The following CA13 variants were observed in gnomAD, a reference collection of about 807,000 sequenced individuals.
The protein encoded by CA13 is CA-XIII.
A neutral mutation model predicts 31.5 loss-of-function variants in CA13; 21 were observed. That is an observed-to-expected ratio of 0.67 (90% CI 0.47 to 0.96). The LOEUF is 0.96. CA13 is among the 40% of genes least tolerant of loss of function. CA13 has a pLI of 0.00. For missense variants in CA13, 315 were observed against 318.9 expected, an observed-to-expected ratio of 0.99 and a Z score of 0.09; for synonymous variants, 117 against 111.4, an observed-to-expected ratio of 1.05 and a Z score of -0.32.
intron 6 of CA13, among the ~76,000 whole-genome samples, chr8:85,277,131 G>C (rs1157108912): frequency 6.6e-6 from 1 of 152,188 alleles, no homozygotes; most frequent in African/African-American, 2.4e-5. Context: ...GGCTGCGGGA[G>C]CCAGCAGTGG....
chr8:85,263,719 TAGAC>T (rs1807417918), intron 3 of CA13, among the ~76,000 whole-genome samples: 1 of 152,208 alleles, frequency 6.6e-6, no homozygotes, highest in South Asian at 2.1e-4. Context: ...CTCTCTGTTT[TAGAC>T]AGGTTAAGTT....
At chr8:85,265,648 A>G (rs1204800158) in intron 3 of CA13, among the ~76,000 whole-genome samples, 2 of 152,088 alleles carry the variant, frequency 1.3e-5, no homozygotes, top group African/African-American at 4.8e-5. Flanking sequence ...CAAAGTATCT[A>G]AACATATTCA....
intron 6 of CA13, among the ~76,000 whole-genome samples, chr8:85,278,647 AAG>A (rs35456278): frequency 0.52 from 79,555 of 151,972 alleles, 23,346 homozygotes; most frequent in Non-Finnish European, 0.65. Context: ...GGCAAATGGA[AAG>A]AGAGCTTTGG....
At position 85,273,002 on chromosome 8, in the gene CA13, G is replaced by A. The variant is rs546245569; in HGVS notation, c.669+4375G>A. 1.5e-3 allele frequency among the ~76,000 whole-genome samples: 229 copies of A among 152,248 alleles called. 1 individual carries two copies. Among genetic ancestry groups the A allele is most frequent in the African/African-American group, 5.4e-3 (223 of 41,532 alleles). On this transcript the variant is annotated intron_variant, in intron 6 of 6. Coordinates refer to ENST00000321764, the MANE Select transcript of CA13 (RefSeq NM_198584.3). ...CCAGCTAATTTTTGTATTTTTAGTA[G>A]AGACAGGGTTTCATCATGTTAGCCA...
intron 6 of CA13, among the ~76,000 whole-genome samples, chr8:85,280,867 G>C (rs1269548143): frequency 6.6e-6 from 1 of 152,168 alleles, no homozygotes; most frequent in Non-Finnish European, 1.5e-5. Flanking sequence ...AGCATATATA[G>C]TTGAGTTCAT....
intron 2 of CA13, among the ~76,000 whole-genome samples, chr8:85,254,418 A>G (rs997469558): frequency 2.6e-5 from 4 of 152,140 alleles, no homozygotes; most frequent in African/African-American, 7.2e-5. Flanking sequence ...AATTTGCTCT[A>G]TGAGAACCCA....
rs1266995731 is a variant in CA13, at chr8:85,267,914, A to C, written c.463A>C (p.Asn155His). ...TTCATGTTTTTAGATTGGTGAACCT[A>C]ATTCCCAACTGCAAAAGATTACTGA... Reference protein sequence around the residue: ...LGVFLQIGEPNSQLQKITDTL... With the variant: ...LGVFLQIGEPHSQLQKITDTL... Residue 155 changes from asparagine (N) to histidine (H), a missense_variant, in exon 5 of 7, where the codon AAT becomes CAT. Physicochemically the swap from Asn to His is moderately conservative, Grantham distance 68. Coordinates refer to ENST00000321764, the MANE Select transcript of CA13 (RefSeq NM_198584.3). 4.4e-6 allele frequency: 7 copies of C among 1,597,516 alleles called. No individual in the cohort carries two copies. Among genetic ancestry groups the C allele is most frequent in the Non-Finnish European group, 5.1e-6 (6 of 1,167,368 alleles).
At chr8:85,272,299 A>G (rs1049621201) in intron 6 of CA13, among the ~76,000 whole-genome samples, 5 of 152,126 alleles carry the variant, frequency 3.3e-5, no homozygotes, top group Admixed American at 2.6e-4. Context: ...TCTGTTGCCC[A>G]GGCTGGAGTG....
chr8:85,259,575 CCCA>C (rs1807349877), intron 3 of CA13, 36 bp downstream of exon 3: 3 of 1,561,708 alleles, frequency 1.9e-6, no homozygotes, highest in Non-Finnish European at 2.6e-6. Flanking sequence ...TCACAGTTTT[CCCA>C]CATGGTGGAA....
chr8:85,261,056 C>A (rs1807369546), intron 3 of CA13, among the ~76,000 whole-genome samples: 1 of 152,080 alleles, frequency 6.6e-6, no homozygotes, highest in Non-Finnish European at 1.5e-5. Flanking sequence ...AGATCAAGGG[C>A]CATTTTTGTA....
intron 6 of CA13, among the ~76,000 whole-genome samples, chr8:85,278,295 C>A (rs1169127354): frequency 6.9e-6 from 1 of 143,948 alleles, no homozygotes; most frequent in Non-Finnish European, 1.5e-5. Context: ...AAAAGTGAAT[C>A]CTTGGGCCTT....
chr8:85,266,756 T>G, intron 4 of CA13, 53 bp downstream of exon 4: 1 of 1,378,502 alleles, frequency 7.3e-7, no homozygotes, highest in South Asian at 1.2e-5. Flanking sequence ...AAGAAAGAGC[T>G]TCAGTCACGA....
In CA13 at chr8:85,245,622, A is replaced by C. The variant is rs1813708580; in HGVS notation, c.-207A>C. The C allele has an allele frequency of 1.7e-6, 1 of 595,744 alleles. No homozygotes were observed. The highest frequency in any genetic ancestry group is 3.1e-5 in the Admixed American group (1 of 32,380). The allele number at this position is 595,744 out of a possible 1,614,324, so 36.9% of individuals were successfully genotyped here. ...AAGAGAGACTCGCGCCCCAGGAGTCAGCCAGCGGCGCGGGCGCCTTCCCCG... is the reference window on the plus strand; with the variant it reads ...AAGAGAGACTCGCGCCCCAGGAGTCCGCCAGCGGCGCGGGCGCCTTCCCCG... On this transcript the variant is annotated 5_prime_UTR_variant, in exon 1 of 7. Coordinates refer to ENST00000321764, the MANE Select transcript of CA13 (RefSeq NM_198584.3).
intron 6 of CA13, among the ~76,000 whole-genome samples, chr8:85,273,003 A>T (rs143110143): frequency 0.024 from 3,637 of 152,188 alleles, 150 homozygotes; most frequent in African/African-American, 0.083. Flanking sequence ...TTTTTAGTAG[A>T]GACAGGGTTT....
chr8:85,258,225 C>T (rs1807327556), intron 2 of CA13, among the ~76,000 whole-genome samples: 1 of 151,720 alleles, frequency 6.6e-6, no homozygotes, highest in African/African-American at 2.4e-5. Context: ...TCCTGATTCT[C>T]CCATATGCTT....
In CA13 at chr8:85,267,883, T is replaced by C; in HGVS notation, c.451-19T>C. On this transcript the variant is annotated intron_variant, in intron 4 of 6. Coordinates refer to ENST00000321764, the MANE Select transcript of CA13 (RefSeq NM_198584.3). ...GATCTGCTACAGTAACCATTTCTTTTGAAATTTCATGTTTTTAGATTGGTG... is the reference window on the plus strand; with the variant it reads ...GATCTGCTACAGTAACCATTTCTTTCGAAATTTCATGTTTTTAGATTGGTG... The C allele has an allele frequency of 6.6e-7, 1 of 1,520,546 alleles. No individual in the cohort carries two copies. The highest frequency in any genetic ancestry group is 9.1e-7 in the Non-Finnish European group (1 of 1,101,528). The allele number at this position is 1,520,546 out of a possible 1,614,324, so 94.2% of individuals were successfully genotyped here.
chr8:85,255,122 CTCAT>C (rs1413189283), intron 2 of CA13, among the ~76,000 whole-genome samples: 1 of 151,800 alleles, frequency 6.6e-6, no homozygotes, highest in Non-Finnish European at 1.5e-5. Flanking sequence ...CTCTCTCTCT[CTCAT>C]TCTTTCTTTC....
intron 6 of CA13, among the ~76,000 whole-genome samples, chr8:85,274,133 C>T (rs1212336110): frequency 6.6e-6 from 1 of 152,090 alleles, no homozygotes; most frequent in Non-Finnish European, 1.5e-5. Flanking sequence ...TCACCCCCTG[C>T]CCAGCTTTCA....
intron 2 of CA13, among the ~76,000 whole-genome samples, chr8:85,257,557 C>CA (rs376007125): frequency 0.011 from 1,553 of 139,534 alleles, 25 homozygotes; most frequent in African/African-American, 0.036. Flanking sequence ...CCCATCCCTG[C>CA]AAAAAAAAAA....
Sources: gnomAD v4.1 joint callset for allele counts (sites outside exome capture counted in the v4.1 genomes callset) on GRCh38, gnomAD v4.1.1 for gene constraint, MANE v1.5 for transcripts, NCBI Gene and HGNC (gene_info 2026-07-23, HGNC 2026-07-21) for gene names.